The following CPNE8 variants were observed in gnomAD, a reference collection of about 807,000 sequenced individuals.
CPNE8 encodes the protein copine-8.
Under a neutral mutation model 81.5 loss-of-function variants are expected in CPNE8, and 45 were observed. The observed-to-expected ratio is 0.55, with a 90% confidence interval of 0.44 to 0.71. The LOEUF (loss-of-function observed/expected upper bound fraction) is 0.71. Among genes scored for constraint, CPNE8 ranks in the 30% least tolerant of loss-of-function variants. The probability of loss-of-function intolerance (pLI) is 0.00; values close to 1 mark genes in which losing one functional copy is unlikely to be tolerated. For missense variants in CPNE8, 594 were observed against 672.1 expected (o/e 0.88, Z 1.28); for synonymous variants, 252 against 226.3 (o/e 1.11, Z -1.02).
intron 10 of CPNE8, among the ~76,000 whole-genome samples, chr12:38,753,785 T>G (rs1351662878): frequency 6.6e-6 from 1 of 152,156 alleles, no homozygotes; most frequent in African/African-American, 2.4e-5. Context: ...TACAGTATAT[T>G]ATAATTGTTC....
chr12:38,883,537 G>A (rs1488203763), intron 1 of CPNE8, among the ~76,000 whole-genome samples: 1 of 152,192 alleles, frequency 6.6e-6, no homozygotes, highest in African/African-American at 2.4e-5. Context: ...GGAGCTTGAT[G>A]AATACATAAT....
intron 3 of CPNE8, among the ~76,000 whole-genome samples, chr12:38,866,223 T>A (rs1479323638): frequency 1.3e-5 from 2 of 152,228 alleles, no homozygotes; most frequent in African/African-American, 4.8e-5. Context: ...ATGTCTTCTG[T>A]TACAATCCCC....
intron 13 of CPNE8, among the ~76,000 whole-genome samples, chr12:38,710,911 C>A (rs977444542): frequency 6.6e-6 from 1 of 152,212 alleles, no homozygotes; most frequent in African/African-American, 2.4e-5. Context: ...CTACCTCCTG[C>A]CCTTGCTAAG....
chr12:38,827,045 C>T (rs1343229796), intron 6 of CPNE8, among the ~76,000 whole-genome samples: 2 of 149,366 alleles, frequency 1.3e-5, no homozygotes, highest in Non-Finnish European at 3.0e-5. Context: ...AGCAGGGTGC[C>T]ACACGTGCGC....
intron 4 of CPNE8, among the ~76,000 whole-genome samples, chr12:38,845,693 GATAATA>G: frequency 6.6e-6 from 1 of 152,000 alleles, no homozygotes; most frequent in East Asian, 1.9e-4. Flanking sequence ...TAATAATGAT[GATAATA>G]ATAATAAGCC....
intron 1 of CPNE8, among the ~76,000 whole-genome samples, chr12:38,892,437 A>G (rs1429108693): frequency 6.6e-6 from 1 of 152,220 alleles, no homozygotes; most frequent in Non-Finnish European, 1.5e-5. Context: ...AGGAAAAATG[A>G]TTACTTCTTG....
At chr12:38,859,250 C>T (rs1358231401) in intron 3 of CPNE8, among the ~76,000 whole-genome samples, 2 of 151,524 alleles carry the variant, frequency 1.3e-5, no homozygotes, top group Non-Finnish European at 1.5e-5. Context: ...TCATAAGTTG[C>T]AGATACGAAA....
chr12:38,881,735 T>C (rs1944161568), intron 1 of CPNE8, among the ~76,000 whole-genome samples: 1 of 152,198 alleles, frequency 6.6e-6, no homozygotes, highest in Non-Finnish European at 1.5e-5. Context: ...CTATGCTTTG[T>C]CAGAACTTGA....
At chr12:38,730,443 T>C (rs1940805280) in intron 10 of CPNE8, 85 bp from the exon 11 acceptor site, 1 of 668,458 alleles carries the variant, frequency 1.5e-6, no homozygotes. Flanking sequence ...GGTTTAATCA[T>C]TATCAAAAAA....
At chr12:38,762,956 T>G (rs1337775224) in intron 8 of CPNE8, among the ~76,000 whole-genome samples, 1 of 152,190 alleles carries the variant, frequency 6.6e-6, no homozygotes, top group East Asian at 1.9e-4. Flanking sequence ...CCGCCCGGGT[T>G]CATGCAATCC....
At chr12:38,753,025 ACAT>A (rs1399890795) in intron 10 of CPNE8, among the ~76,000 whole-genome samples, 1 of 152,206 alleles carries the variant, frequency 6.6e-6, no homozygotes, top group Admixed American at 6.5e-5. Flanking sequence ...TAAGAAAATG[ACAT>A]CTAAATTAAT....
intron 7 of CPNE8, among the ~76,000 whole-genome samples, chr12:38,775,821 AG>A (rs1005357602): frequency 6.6e-6 from 1 of 152,224 alleles, no homozygotes; most frequent in African/African-American, 2.4e-5. Context: ...TAATTAAATT[AG>A]AAAAATTGGG....
intron 15 of CPNE8, among the ~76,000 whole-genome samples, chr12:38,692,235 G>A (rs1939693686): frequency 6.6e-6 from 1 of 151,972 alleles, no homozygotes; most frequent in Non-Finnish European, 1.5e-5. Context: ...GTTGCAGTGA[G>A]CTGAGATCTC....
At chr12:38,759,143 T>G (rs826846) in intron 10 of CPNE8, among the ~76,000 whole-genome samples, 17,666 of 152,170 alleles carry the variant, frequency 0.12, 1,264 homozygotes, top group East Asian at 0.25. Flanking sequence ...GTTTTTATAT[T>G]TTCACACTGA....
intron 6 of CPNE8, among the ~76,000 whole-genome samples, chr12:38,799,804 C>T (rs1191116310): frequency 3.5e-5 from 5 of 142,088 alleles, no homozygotes; most frequent in South Asian, 2.3e-4. Flanking sequence ...GTGCGCGCAC[C>T]GTGCGCGAGC....
intron 5 of CPNE8, among the ~76,000 whole-genome samples, chr12:38,835,411 T>G (rs1304233308): frequency 6.6e-6 from 1 of 152,338 alleles, no homozygotes; most frequent in South Asian, 2.1e-4. Flanking sequence ...TTAAGTGCCA[T>G]AAAGAAAGTC....
At chr12:38,774,409 A>G (rs1184445901) in intron 7 of CPNE8, among the ~76,000 whole-genome samples, 1 of 152,184 alleles carries the variant, frequency 6.6e-6, no homozygotes. Context: ...ACAAATTGAG[A>G]CAAGTATAAA....
In CPNE8 at chr12:38,894,690, TCTCTCTCTCTCTCTCTC is replaced by T. The variant is rs1944362794; in HGVS notation, c.98+10730_98+10746del. Among the ~76,000 whole-genome samples the T allele has an allele frequency of 3.4e-5, 5 of 149,034 alleles. 1 individual carries two copies. Among genetic ancestry groups the T allele is most frequent in the African/African-American group, 9.7e-5 (4 of 41,116 alleles). On this transcript the variant is annotated intron_variant, in intron 1 of 19. Transcript: ENST00000331366. The stretch of plus-strand genomic sequence containing the variant: ...CTCTCTCTCTCTCTCTCTCTCTCTC[TCTCTCTCTCTCTCTCTC>T]TCTCATATTCTTTACTTATAGCTTG...
At chr12:38,739,636 T>G (rs142546997) in intron 10 of CPNE8, among the ~76,000 whole-genome samples, 99 of 152,274 alleles carry the variant, frequency 6.5e-4, no homozygotes, top group African/African-American at 2.2e-3. Context: ...TAATAATTTT[T>G]TTCACCCCCT....
Sources: allele counts gnomAD v4.1 joint callset (sites outside exome capture counted in the v4.1 genomes callset), GRCh38; gene constraint gnomAD v4.1.1; transcripts MANE v1.5; gene names NCBI Gene and HGNC (gene_info 2026-07-23, HGNC 2026-07-21).